GPD2: variants seen among roughly 807,000 people sequenced by gnomAD.
GPD2 encodes glycerol-3-phosphate dehydrogenase, mitochondrial.
A neutral mutation model predicts 82.4 loss-of-function variants in GPD2; 54 were observed. That is an observed-to-expected ratio of 0.66 (90% CI 0.53 to 0.82). The LOEUF (loss-of-function observed/expected upper bound fraction) is 0.82, where lower values mean the gene tolerates loss of function less well. Ranked by LOEUF, GPD2 falls within the 40% of genes least tolerant of loss-of-function variation. The pLI, the probability that GPD2 is intolerant of heterozygous loss-of-function variation, is 0.00. For synonymous variants in GPD2, 288 were observed against 306.1 expected, an observed-to-expected ratio of 0.94 and a Z score of 0.62; for missense variants, 748 against 896.2, an observed-to-expected ratio of 0.83 and a Z score of 2.11.
chr2:156,452,554 C>T (rs1324215122), intron 1 of GPD2, among the ~76,000 whole-genome samples: 1 of 151,884 alleles, frequency 6.6e-6, no homozygotes, highest in African/African-American at 2.4e-5. Context: ...AGAGGGAGAC[C>T]GTGGGGAGAG....
intron 6 of GPD2, among the ~76,000 whole-genome samples, chr2:156,547,346 G>A (rs376471747): frequency 1.3e-5 from 2 of 152,166 alleles, no homozygotes; most frequent in East Asian, 3.8e-4. Context: ...ATTTGAACTC[G>A]ATCATGAGAG....
At chr2:156,492,692 T>C (rs1684226275) in intron 2 of GPD2, among the ~76,000 whole-genome samples, 1 of 152,036 alleles carries the variant, frequency 6.6e-6, no homozygotes, top group Non-Finnish European at 1.5e-5. Flanking sequence ...GGAAGATACC[T>C]TGATTTGAGA....
intron 9 of GPD2, among the ~76,000 whole-genome samples, chr2:156,561,677 G>C (rs1687182519): frequency 2.0e-5 from 3 of 152,090 alleles, no homozygotes; most frequent in Admixed American, 1.3e-4. Context: ...TTAGATCCTA[G>C]AGCAATAGTT....
At chr2:156,518,134 AT>A (rs1315812837) in intron 6 of GPD2, among the ~76,000 whole-genome samples, 1 of 152,198 alleles carries the variant, frequency 6.6e-6, no homozygotes, top group African/African-American at 2.4e-5. Flanking sequence ...TAGAATATTC[AT>A]TTTTATTCCA....
intron 6 of GPD2, among the ~76,000 whole-genome samples, chr2:156,526,226 A>T (rs1346307290): frequency 6.6e-6 from 1 of 152,118 alleles, no homozygotes; most frequent in East Asian, 1.9e-4. Flanking sequence ...CACACTTTCA[A>T]ATTATTTTTC....
intron 1 of GPD2, among the ~76,000 whole-genome samples, chr2:156,444,936 G>C (rs1370283576): frequency 6.6e-6 from 1 of 152,096 alleles, no homozygotes; most frequent in Admixed American, 6.5e-5. Context: ...AATTCTTAGA[G>C]ACAGTGTCTC....
intron 1 of GPD2, among the ~76,000 whole-genome samples, chr2:156,446,155 G>C (rs1215955078): frequency 1.3e-5 from 2 of 152,146 alleles, no homozygotes; most frequent in Non-Finnish European, 2.9e-5. Flanking sequence ...GAGTGCAGTG[G>C]GACGATCTCA....
chr2:156,457,374 G>A (rs538283947), intron 1 of GPD2, among the ~76,000 whole-genome samples: 1 of 152,288 alleles, frequency 6.6e-6, no homozygotes, highest in South Asian at 2.1e-4. Flanking sequence ...AGGTATAAAC[G>A]TTGGACTCCA....
chr2:156,491,499 A>C (rs1172702705), intron 2 of GPD2, among the ~76,000 whole-genome samples: 1 of 152,208 alleles, frequency 6.6e-6, no homozygotes, highest in Non-Finnish European at 1.5e-5. Flanking sequence ...TGTGTGTAGC[A>C]GTAGCTTGTT....
rs368263096 is a variant in GPD2 at position 156,510,771 on chromosome 2, T to C, written c.275-25T>C. On this transcript the variant is annotated intron_variant, in intron 3 of 16. Transcript: ENST00000438166. ...CATACAAATTGTGTAATTTAAGAAG[T>C]TAATTTGGTTTTCTGGTTACACAGG... 1.6e-4 allele frequency: 248 copies of C among 1,597,974 alleles called. No individual in the cohort carries two copies. The Middle Eastern group carries it at 2.2e-3, about 14-fold the overall frequency.
chr2:156,581,596 C>T (rs1243646286), intron 16 of GPD2, among the ~76,000 whole-genome samples: 1 of 152,034 alleles, frequency 6.6e-6, no homozygotes, highest in Non-Finnish European at 1.5e-5. Flanking sequence ...TTTTGCTCTT[C>T]TGCAGACTAA....
chr2:156,565,378 C>T (rs1321401314), intron 9 of GPD2, among the ~76,000 whole-genome samples: 2 of 152,002 alleles, frequency 1.3e-5, no homozygotes, highest in Non-Finnish European at 2.9e-5. Flanking sequence ...CTTTTTACAA[C>T]TTGTTTTGAG....
At chr2:156,568,995 T>C (rs752330842) in intron 10 of GPD2, 36 bp downstream of exon 10, 13 of 1,554,710 alleles carry the variant, frequency 8.4e-6, no homozygotes, top group African/African-American at 8.3e-5. Context: ...CTTTTCTTTT[T>C]TTTTTTTTTT....
chr2:156,451,449 GCGGC>G (rs1682573113), intron 1 of GPD2, among the ~76,000 whole-genome samples: 1 of 117,898 alleles, frequency 8.5e-6, no homozygotes, highest in South Asian at 3.5e-4. Context: ...CCCGGACGGG[GCGGC>G]TGGCCGGGCG....
intron 6 of GPD2, among the ~76,000 whole-genome samples, chr2:156,546,984 G>A (rs1408413802): frequency 2.0e-5 from 3 of 152,120 alleles, no homozygotes; most frequent in African/African-American, 7.2e-5. Context: ...TTCTGTACCT[G>A]CTAATAACTA....
chr2:156,436,560 G>C (rs72893369), intron 1 of GPD2, 47 bp downstream of exon 1: 6,292 of 152,396 alleles, frequency 0.041, 162 homozygotes, highest in Middle Eastern at 0.071. Flanking sequence ...AGTATTCTAG[G>C]GGGGGAGTGG....
intron 3 of GPD2, among the ~76,000 whole-genome samples, chr2:156,508,229 C>T (rs1309699542): frequency 1.3e-5 from 2 of 151,888 alleles, no homozygotes; most frequent in Admixed American, 6.6e-5. Flanking sequence ...GGTCTCTGTT[C>T]CTCACCACCT....
chr2:156,512,273 TC>T lies in GPD2; in HGVS notation c.457del (p.His153IlefsTer8). 1 of 1,605,298 alleles carries T rather than the reference TC, an allele frequency of 6.2e-7. No individual in the cohort carries two copies. The highest frequency in any genetic ancestry group is 8.5e-7 in the Non-Finnish European group (1 of 1,171,972). ...HERANLLEIAPHLSAPLPIML... is the reference protein window; with the variant it reads ...HERANLLEIAXHLSAPLPIML... ...AGCGTGCCAACCTGCTAGAAATTGC[TC>T]CCCATTTATCAGCTCCATTGCCTAT... On this transcript the variant is annotated frameshift_variant, in exon 5 of 17. Coordinates refer to ENST00000438166, the MANE Select transcript of GPD2 (RefSeq NM_000408.5). LOFTEE classifies it high-confidence loss of function.
chr2:156,436,935 C>T (rs899326102), intron 1 of GPD2, among the ~76,000 whole-genome samples: 9 of 152,162 alleles, frequency 5.9e-5, no homozygotes, highest in African/African-American at 1.9e-4. Context: ...GGAAGGTGCA[C>T]ACTGATAACT....
Sources: allele counts gnomAD v4.1 joint callset (sites outside exome capture counted in the v4.1 genomes callset), GRCh38; gene constraint gnomAD v4.1.1; transcripts MANE v1.5; gene names NCBI Gene and HGNC (gene_info 2026-07-23, HGNC 2026-07-21).